The following CHD1 variants were observed in gnomAD, a reference collection of about 807,000 sequenced individuals.
CHD1 encodes ATP-dependent chromatin remodeler CHD1.
A neutral mutation model predicts 224.2 loss-of-function variants in CHD1; 36 were observed. The observed-to-expected ratio is 0.16, with a 90% CI of 0.12 to 0.21. The LOEUF is 0.21. Among genes scored for constraint, CHD1 ranks in the 10% least tolerant of loss-of-function variants. CHD1 has a pLI of 1.00. For missense variants in CHD1, 1,378 were observed against 1,994.8 expected (o/e 0.69, Z 5.89); for synonymous variants, 668 against 658.3 (o/e 1.01, Z -0.23).
At chr5:98,925,004 C>T (rs1480071103) in intron 2 of CHD1, among the ~76,000 whole-genome samples, 1 of 151,772 alleles carries the variant, frequency 6.6e-6, no homozygotes, top group Admixed American at 6.6e-5. Flanking sequence ...AAAGAAAAGT[C>T]CAAGTTTCAG....
chr5:98,883,066 T>A (rs1274169006), intron 19 of CHD1, 22 bp downstream of exon 19: 2 of 1,339,600 alleles, frequency 1.5e-6, no homozygotes, highest in East Asian at 5.4e-5. Flanking sequence ...AGCAATATAA[T>A]ATAAATTAAA....
rs987200020 is a variant in CHD1 at position 98,900,711 on chromosome 5, C to T, written c.859+100G>A. 9.3e-6 allele frequency: 10 copies of T among 1,070,536 alleles called. No homozygotes were observed. The East Asian group carries it at 2.5e-4, about 27-fold the overall frequency. 66.3% of individuals were successfully genotyped at this position (1,070,536 alleles called of 1,614,324 possible). A position where few individuals can be genotyped will look rare whatever the true frequency, so the allele number is the denominator to read the frequency against. ...TCCTGATCCATCGGCCTCGGCCCCC[C>T]AAAGTACTGGGATTACAGGGGCGAC... On this transcript the variant is annotated intron_variant, in intron 7 of 35. Transcript: ENST00000614616.
Position 98,899,714 on chromosome 5 carries a change from A to G in CHD1, c.860-9T>C, listed in dbSNP as rs1207127424. 6.3e-7 allele frequency: 1 copy of G among 1,590,226 alleles called. No homozygotes were observed. The highest frequency in any genetic ancestry group is 2.2e-5 in the East Asian group (1 of 44,752). On this transcript the variant is annotated splice_polypyrimidine_tract_variant and intron_variant, in intron 7 of 35. Coordinates refer to ENST00000614616, the MANE Select transcript of CHD1 (RefSeq NM_001270.4). ...TGTAGTAGCACCAGTAGCTGAAAAC[A>G]AAAGCACAAGATCCTTCCATGTAAT... is the stretch of plus-strand genomic sequence containing the variant.
At position 98,913,346 on chromosome 5, in the gene CHD1, T is replaced by G. The variant is rs145997319; in HGVS notation, c.54-8248A>C. On this transcript the variant is annotated intron_variant, in intron 2 of 35. Coordinates refer to ENST00000614616, the MANE Select transcript of CHD1 (RefSeq NM_001270.4). ...AAACTTAGCTGGGGGAGGTGGCATA[T>G]GCCTTCAGTCCTAGCTACTCGGGAG... Among the ~76,000 whole-genome samples, 8 of 152,262 alleles carry G rather than the reference T, an allele frequency of 5.3e-5. No individual in the cohort carries two copies. In the East Asian group the frequency reaches 1.5e-3, roughly 29 times the overall value.
At chr5:98,904,761 G>C (rs1404610281) in intron 3 of CHD1, 136 bp downstream of exon 3, 2 of 778,360 alleles carry the variant, frequency 2.6e-6, no homozygotes, top group African/African-American at 3.5e-5. Context: ...ATGAATGTGA[G>C]AATCACTAAA....
rs1750842736 is a variant in CHD1, at chr5:98,889,143, C to G, written c.2276G>C (p.Cys759Ser). The part of the protein sequence containing the change: ...LNIMMELKKC[C>S]NHCYLIKPPD... ...TGGTTTAATGAGGTAGCAATGGTTA[C>G]AACATTTCTTTAGCTCCATCATAAT... Residue 759 changes from cysteine to serine, a missense_variant, in exon 16 of 36, where the codon TGT (cysteine) becomes TCT (serine). Cys to Ser is a moderately radical substitution (Grantham distance 112). Coordinates refer to ENST00000614616, the MANE Select transcript of CHD1 (RefSeq NM_001270.4). 6.2e-7 allele frequency: 1 copy of G among 1,607,222 alleles called. No individual in the cohort carries two copies. Among genetic ancestry groups the G allele is most frequent in the Non-Finnish European group, 8.5e-7 (1 of 1,174,256 alleles).
At chr5:98,874,717 A>T (rs1288611257) in intron 25 of CHD1, among the ~76,000 whole-genome samples, 1 of 140,754 alleles carries the variant, frequency 7.1e-6, no homozygotes, top group Non-Finnish European at 1.5e-5. Flanking sequence ...ATTTAAAAAG[A>T]AAAAAAAAAA....
At chr5:98,884,910 T>A (rs996466467) in intron 18 of CHD1, among the ~76,000 whole-genome samples, 8 of 151,902 alleles carry the variant, frequency 5.3e-5, no homozygotes, top group African/African-American at 1.7e-4. Flanking sequence ...TTTTATTTTT[T>A]TTTGTACAGA....
chr5:98,903,111 C>A, intron 4 of CHD1, 147 bp from the exon 5 acceptor site: 1 of 501,538 alleles, frequency 2.0e-6, no homozygotes, highest in Non-Finnish European at 3.5e-6. Flanking sequence ...TTTATGTTAA[C>A]TAGCTGAAAG....
chr5:98,914,869 A>G (rs1166735415), intron 2 of CHD1, among the ~76,000 whole-genome samples: 1 of 139,486 alleles, frequency 7.2e-6, no homozygotes, highest in African/African-American at 3.0e-5. Flanking sequence ...ACAGTATTAC[A>G]ATTATTTTTA....
intron 23 of CHD1, among the ~76,000 whole-genome samples, chr5:98,877,324 C>T (rs935548148): frequency 1.3e-5 from 2 of 152,180 alleles, no homozygotes; most frequent in Non-Finnish European, 2.9e-5. Context: ...CAAATTAATA[C>T]AACTCCAACT....
intron 22 of CHD1, among the ~76,000 whole-genome samples, chr5:98,880,145 T>C (rs1419947446): frequency 1.3e-5 from 2 of 152,228 alleles, no homozygotes; most frequent in Non-Finnish European, 2.9e-5. Flanking sequence ...GGCAGAGACA[T>C]AGAGCTCTTT....
At chr5:98,882,637 T>C (rs1203007249) in intron 19 of CHD1, among the ~76,000 whole-genome samples, 1 of 152,152 alleles carries the variant, frequency 6.6e-6, no homozygotes, top group Non-Finnish European at 1.5e-5. Flanking sequence ...CCTATTTCTC[T>C]AGGTAAAGGT....
intron 2 of CHD1, among the ~76,000 whole-genome samples, chr5:98,919,077 C>T (rs1351530458): frequency 6.6e-6 from 1 of 152,176 alleles, no homozygotes; most frequent in Non-Finnish European, 1.5e-5. Context: ...TGGCAAGATG[C>T]TGAATGACTA....
chr5:98,895,145 A>G (rs1751263094), intron 12 of CHD1, among the ~76,000 whole-genome samples: 1 of 152,168 alleles, frequency 6.6e-6, no homozygotes, highest in South Asian at 2.1e-4. Context: ...TATAGTCCAA[A>G]ATGCTATGTA....
At chr5:98,868,858 G>T in intron 30 of CHD1, 1 of 538,102 alleles carries the variant, frequency 1.9e-6, no homozygotes, top group African/African-American at 2.0e-5. Flanking sequence ...ATTAAAGAGT[G>T]TTCAGACCTA....
chr5:98,883,022 A>C, intron 19 of CHD1, 66 bp downstream of exon 19: 40 of 907,140 alleles, frequency 4.4e-5, no homozygotes, highest in Non-Finnish European at 5.7e-5. Flanking sequence ...ATAAACTGAA[A>C]TCACTTCCAA....
At position 98,872,468 on chromosome 5, in the gene CHD1, T is replaced by C; in HGVS notation, c.3659A>G (p.Glu1220Gly). ...NAKLVISHEE[E>G]LIPLHKSIPS... is the part of the protein sequence containing the mutation. Reference sequence around the variant, plus strand: ...AATGGATTTGTGCAAAGGTATTAATTCTTCTTCATGGGAGATGACTAGTTT... The same window carrying C: ...AATGGATTTGTGCAAAGGTATTAATCCTTCTTCATGGGAGATGACTAGTTT... Residue 1220 changes from glutamate (E) to glycine (G), a missense_variant, in exon 27 of 36, where the codon GAA becomes GGA. Physicochemically the swap from Glu to Gly is moderately conservative, Grantham distance 98. Coordinates refer to ENST00000614616, the MANE Select transcript of CHD1 (RefSeq NM_001270.4). 6.2e-7 allele frequency: 1 copy of C among 1,613,580 alleles called. No homozygotes were observed. The highest frequency in any genetic ancestry group is 8.5e-7 in the Non-Finnish European group (1 of 1,179,568).
intron 12 of CHD1, among the ~76,000 whole-genome samples, chr5:98,895,598 T>C (rs1051538427): frequency 1.3e-5 from 2 of 151,228 alleles, no homozygotes; most frequent in East Asian, 2.0e-4. Context: ...ACTAAAAATA[T>C]GAAAATTAGC....
Sources: allele counts gnomAD v4.1 joint callset (sites outside exome capture counted in the v4.1 genomes callset), GRCh38; gene constraint gnomAD v4.1.1; transcripts MANE v1.5; gene names NCBI Gene and HGNC (gene_info 2026-07-23, HGNC 2026-07-21).